Variants in AWAT2 observed in about 807,000 individuals in gnomAD.
AWAT2 encodes the protein acyl-CoA wax alcohol acyltransferase 2, also known as 11-cis-RE-synthase.
AWAT2 carries 9 observed loss-of-function variants against 22.3 expected under a neutral mutation model. The ratio of observed to expected loss-of-function variants is 0.40; its 90% CI spans 0.24 to 0.70. The LOEUF (loss-of-function observed/expected upper bound fraction) is 0.70. Ranked by LOEUF, AWAT2 falls within the 30% of genes least tolerant of loss-of-function variation. AWAT2 has a pLI of 0.36. For synonymous variants in AWAT2, 100 were observed against 93.4 expected (o/e 1.07, Z -0.40); for missense variants, 217 against 265.9 (o/e 0.82, Z 1.28).
At position 70,042,206 on chromosome X, in the gene AWAT2, A is replaced by G; in HGVS notation, c.828T>C (p.Ser276=). Residue 276 remains serine (S), a synonymous_variant, in exon 6 of 8, where the codon AGT becomes AGC. Transcript: ENST00000276101. Reference sequence around the variant, plus strand: ...ACTCACCGATGGTGGTTACAGGCCGACTATAGGGCAGAAGGCCCCAGGAGT... The same window carrying G: ...ACTCACCGATGGTGGTTACAGGCCGGCTATAGGGCAGAAGGCCCCAGGAGT... ...TKNSWGLLPY[S]RPVTTIVGEP... The G allele has an allele frequency of 2.5e-6, 3 of 1,208,626 alleles. No homozygotes were observed. The highest frequency in any genetic ancestry group is 3.4e-6 in the Non-Finnish European group (3 of 894,147).
At chrX:70,042,503 C>T in intron 5 of AWAT2, 117 bp from the exon 6 acceptor site, 1 of 731,053 alleles carries the variant, frequency 1.4e-6, no homozygotes, top group Non-Finnish European at 2.1e-6. Context: ...GACCCCAGTC[C>T]AGCTGTGCCT....
chrX:70,049,533 C>T (rs751029434), intron 1 of AWAT2, among the ~76,000 whole-genome samples: 1 of 111,236 alleles, frequency 9.0e-6, no homozygotes, highest in Non-Finnish European at 1.9e-5. Flanking sequence ...CCTCATCTTC[C>T]CAAAGAATGC....
intron 5 of AWAT2, 57 bp from the exon 6 acceptor site, chrX:70,042,443 C>A: frequency 1.8e-6 from 2 of 1,094,472 alleles, no homozygotes; most frequent in Admixed American, 4.4e-5. Flanking sequence ...TTGTCGAATG[C>A]CAGACACGCT....
At position 70,043,133 on chromosome X, in the gene AWAT2, G is replaced by A. The variant is rs1249729444; in HGVS notation, c.583C>T (p.Pro195Ser). The A allele has an allele frequency of 2.5e-6, 3 of 1,199,624 alleles. No individual in the cohort carries two copies. Among genetic ancestry groups the A allele is most frequent in the Non-Finnish European group, 3.4e-6 (3 of 890,145 alleles). The change falls in exon 5 of 8, where the codon CCA (proline) becomes TCA (serine). Residue 195 changes from proline (P) to serine (S), a missense_variant. Pro to Ser is a moderately conservative substitution (Grantham distance 74, BLOSUM62 -1). Transcript: ENST00000276101. ...GGLAECRYSL[P>S]GSSTLVLKNR... The stretch of plus-strand genomic sequence containing the variant: ...TTCAACACCAGGGTAGAAGAACCTG[G>A]CAGGCTGTATCTGCACTCAGCCAGT...
intron 1 of AWAT2, 67 bp downstream of exon 1, chrX:70,049,781 C>T (rs2020385554): frequency 8.6e-7 from 1 of 1,161,039 alleles, no homozygotes; most frequent in Non-Finnish European, 1.2e-6. Context: ...CATCCTGCAA[C>T]CCTAAAATCC....
chrX:70,048,469 CT>C (rs778871889), intron 1 of AWAT2, among the ~76,000 whole-genome samples: 39 of 111,750 alleles, frequency 3.5e-4, no homozygotes, highest in Non-Finnish European at 6.8e-4. Context: ...ATTATGTGCC[CT>C]TTGCCATCCT....
Position 70,041,911 on chromosome X carries a change from A to G in AWAT2, c.899T>C (p.Val300Ala). 1 of 1,211,483 alleles carries G rather than the reference A, an allele frequency of 8.3e-7. No homozygotes were observed. Among genetic ancestry groups the G allele is most frequent in the Non-Finnish European group, 1.1e-6 (1 of 895,041 alleles). Reference sequence around the variant, plus strand: ...AATATAGAGTGTGTGATATTTAGCCACGATCTCCTGGCTTGGATTCTCAAT... The same window carrying G: ...AATATAGAGTGTGTGATATTTAGCCGCGATCTCCTGGCTTGGATTCTCAAT... ...PKIENPSQEI[V>A]AKYHTLYIDA... Residue 300 changes from valine to alanine, a missense_variant, in exon 7 of 8, where the codon GTG (valine) becomes GCG (alanine). Physicochemically the swap from Val to Ala is moderately conservative, Grantham distance 64. Coordinates refer to ENST00000276101, the MANE Select transcript of AWAT2 (RefSeq NM_001002254.1).
intron 1 of AWAT2, among the ~76,000 whole-genome samples, chrX:70,049,125 C>T (rs979164165): frequency 8.9e-6 from 1 of 111,898 alleles, no homozygotes; most frequent in Non-Finnish European, 1.9e-5. Flanking sequence ...CCCACCCTTC[C>T]TATTCACTGG....
At chrX:70,043,281 T>C (rs1352580921) in intron 4 of AWAT2, 38 bp from the exon 5 acceptor site, 1 of 1,157,149 alleles carries the variant, frequency 8.6e-7, no homozygotes, top group African/African-American at 1.8e-5. Context: ...ACTGGTCACT[T>C]CCCAAACCCC....
chrX:70,041,697 G>T, intron 7 of AWAT2, 75 bp from the exon 8 acceptor site: 1 of 807,723 alleles, frequency 1.2e-6, no homozygotes, highest in Non-Finnish European at 1.7e-6. Flanking sequence ...CTCCCCATAA[G>T]GAGGACTGGT....
chrX:70,044,559 T>A, intron 1 of AWAT2, 97 bp from the exon 2 acceptor site: 1 of 1,112,722 alleles, frequency 9.0e-7, no homozygotes, highest in Non-Finnish European at 1.2e-6. Context: ...ACGTGCACTC[T>A]CTCTCACCCA....
chrX:70,042,191 G>A lies in AWAT2; in HGVS notation c.843C>T (p.Thr281=), dbSNP rs1171203898. The part of the protein sequence containing the change: ...GLLPYSRPVT[T]IVGEPLPMPK... Reference sequence around the variant, plus strand: ...CCAGCAGAAACGCCCACTCACCGATGGTGGTTACAGGCCGACTATAGGGCA... The same window carrying A: ...CCAGCAGAAACGCCCACTCACCGATAGTGGTTACAGGCCGACTATAGGGCA... The change falls in exon 6 of 8, where the codon ACC becomes ACT. Residue 281 remains threonine, a synonymous_variant. Transcript: ENST00000276101. 6 of 1,203,418 alleles carry A rather than the reference G, an allele frequency of 5.0e-6. No individual in the cohort carries two copies. The Admixed American group carries it at 1.3e-4, about 27-fold the overall frequency.
At chrX:70,042,540 A>G in intron 5 of AWAT2, 154 bp from the exon 6 acceptor site, 1 of 561,630 alleles carries the variant, frequency 1.8e-6, no homozygotes, top group Admixed American at 2.6e-5. Context: ...TGGGGGCTCC[A>G]TGGCCTACCC....
In AWAT2 at chrX:70,041,891, A is replaced by G. The variant is rs200995684; in HGVS notation, c.919T>C (p.Tyr307His). The G allele has an allele frequency of 6.8e-5, 82 of 1,208,616 alleles. No homozygotes were observed. The highest frequency in any genetic ancestry group is 7.8e-6 in the Non-Finnish European group (7 of 894,086). The change falls in exon 7 of 8, where the codon TAT becomes CAT. Residue 307 changes from tyrosine (Y) to histidine (H), a missense_variant. By Grantham distance (83) the Tyr-to-His change is moderately conservative. Transcript: ENST00000276101. ...AACAGTTTACGTAGGGCATCAATAT[A>G]GAGTGTGTGATATTTAGCCACGATC... The part of the protein sequence containing the change: ...QEIVAKYHTL[Y>H]IDALRKLFDQ...
chrX:70,046,554 G>A (rs956017862), intron 1 of AWAT2, among the ~76,000 whole-genome samples: 5 of 110,775 alleles, frequency 4.5e-5, no homozygotes, highest in Admixed American at 1.9e-4. Context: ...ACAGGTGCAC[G>A]CCACCATGCC....
intron 1 of AWAT2, among the ~76,000 whole-genome samples, chrX:70,047,833 C>G (rs2020373206): frequency 9.0e-6 from 1 of 111,165 alleles, no homozygotes; most frequent in Non-Finnish European, 1.9e-5. Flanking sequence ...TGCCTGCCCT[C>G]TCTGTACCTC....
At chrX:70,044,283 C>T in intron 2 of AWAT2, 69 bp downstream of exon 2, 1 of 1,175,325 alleles carries the variant, frequency 8.5e-7, no homozygotes, top group Non-Finnish European at 1.1e-6. Context: ...CAGAGCCTCT[C>T]AGGATTGTGA....
chrX:70,048,985 C>T (rs1167940890), intron 1 of AWAT2, among the ~76,000 whole-genome samples: 1 of 112,086 alleles, frequency 8.9e-6, no homozygotes, highest in Non-Finnish European at 1.9e-5. Context: ...CTGATTAATA[C>T]ACCCTGAATG....
chrX:70,040,659 T>C lies in AWAT2; in HGVS notation c.*999A>G, dbSNP rs1220810438. On this transcript the variant is annotated 3_prime_UTR_variant, in exon 8 of 8. Transcript: ENST00000276101. Reference sequence around the variant, plus strand: ...TGGCCACTGTATACAAATCATCACATGAGGCAGGCACCCAGGATAGAGGCA... The same window carrying C: ...TGGCCACTGTATACAAATCATCACACGAGGCAGGCACCCAGGATAGAGGCA... 2 of 112,333 alleles carry C rather than the reference T, an allele frequency of 1.8e-5. No individual in the cohort carries two copies. The highest frequency in any genetic ancestry group is 5.6e-4 in the East Asian group (2 of 3,596). The allele number at this position is 112,333 out of a possible 1,213,427, so 9.3% of individuals were successfully genotyped here.
Sources: gnomAD v4.1 joint callset for allele counts (sites outside exome capture counted in the v4.1 genomes callset) on GRCh38, gnomAD v4.1.1 for gene constraint, MANE v1.5 for transcripts, NCBI Gene and HGNC (gene_info 2026-07-23, HGNC 2026-07-21) for gene names.